The following ALDH1A2 variants were observed in gnomAD, a reference collection of about 807,000 sequenced individuals.
ALDH1A2 encodes aldehyde dehydrogenase 1 family member A2.
Under a neutral mutation model 60.3 loss-of-function variants are expected in ALDH1A2, and 27 were observed. That is an observed-to-expected ratio of 0.45 (90% CI 0.33 to 0.62). The LOEUF (loss-of-function observed/expected upper bound fraction) is 0.62. Among genes scored for constraint, ALDH1A2 ranks in the 20% least tolerant of loss-of-function variants. The pLI, the probability that ALDH1A2 is intolerant of heterozygous loss-of-function variation, is 0.02. For missense variants in ALDH1A2, 581 were observed against 643.8 expected, an observed-to-expected ratio of 0.90 and a Z score of 1.06; for synonymous variants, 289 against 232.4, an observed-to-expected ratio of 1.24 and a Z score of -2.21.
intron 12 of ALDH1A2, among the ~76,000 whole-genome samples, chr15:57,959,019 AC>A (rs1298477943): frequency 2.0e-5 from 3 of 152,194 alleles, no homozygotes; most frequent in Admixed American, 6.5e-5. Flanking sequence ...CTCCTGGACC[AC>A]CTTTCTGGGC....
At chr15:58,035,326 G>T (rs1595681127) in intron 1 of ALDH1A2, among the ~76,000 whole-genome samples, 1 of 151,468 alleles carries the variant, frequency 6.6e-6, no homozygotes, top group Admixed American at 6.6e-5. Context: ...TTAGTAATTT[G>T]TGTCTTCTCT....
chr15:58,040,768 GAAT>G (rs74750732), intron 1 of ALDH1A2, among the ~76,000 whole-genome samples: 1 of 151,834 alleles, frequency 6.6e-6, no homozygotes, highest in African/African-American at 2.4e-5. Context: ...TTGAGCAAGA[GAAT>G]AATAATAAAT....
chr15:58,014,267 G>A lies in ALDH1A2; in HGVS notation c.132C>T (p.Asn44=), dbSNP rs374228229. 52 of 1,613,664 alleles carry A rather than the reference G, an allele frequency of 3.2e-5. 1 individual carries two copies. The South Asian group carries it at 4.5e-4, about 14-fold the overall frequency. Residue 44 remains asparagine, a synonymous_variant, in exon 2 of 13, where the codon AAC becomes AAT. Transcript: ENST00000249750. ...EIKYTKIFIN[N]EWQNSESGRV... ...TCCCACTCTCTGAGTTCTGCCACTC[G>A]TTGTTTATAAAGATCTAAGGGAGTA...
intron 12 of ALDH1A2, among the ~76,000 whole-genome samples, chr15:57,956,227 A>C (rs1279724155): frequency 6.6e-6 from 1 of 152,198 alleles, no homozygotes; most frequent in African/African-American, 2.4e-5. Context: ...GGGAGGAGGG[A>C]AGGAGGAAGG....
intron 11 of ALDH1A2, 113 bp downstream of exon 11, chr15:57,961,024 G>T (rs1596064461): frequency 6.9e-7 from 1 of 1,458,482 alleles, no homozygotes; most frequent in East Asian, 2.3e-5. Context: ...CCCTTTTCTG[G>T]TGAACTTTGG....
chr15:58,004,437 G>A (rs1353575392), intron 4 of ALDH1A2, among the ~76,000 whole-genome samples: 3 of 151,686 alleles, frequency 2.0e-5, no homozygotes, highest in African/African-American at 7.3e-5. Context: ...TAGTCAACGT[G>A]GTACCCAACA....
intron 1 of ALDH1A2, among the ~76,000 whole-genome samples, chr15:58,034,947 CTT>C (rs1896339297): frequency 6.6e-6 from 1 of 151,590 alleles, no homozygotes; most frequent in African/African-American, 2.4e-5. Flanking sequence ...CTCGTAATCT[CTT>C]TATCTGGTTT....
Position 58,020,290 on chromosome 15 carries a change from T to G in ALDH1A2, c.118-6009A>C, listed in dbSNP as rs1411991524. Among the ~76,000 whole-genome samples, 3 of 152,206 alleles carry G rather than the reference T, an allele frequency of 2.0e-5. No individual in the cohort carries two copies. In the South Asian group the frequency reaches 6.2e-4, roughly 31 times the overall value. On this transcript the variant is annotated intron_variant, in intron 1 of 12. Transcript: ENST00000249750. ...GTGCTGCAATGAACATACGTGTGCA[T>G]GTATCTTTATAATATGATTTATATT...
At position 58,032,601 on chromosome 15, in the gene ALDH1A2, A is replaced by G. The variant is rs547043734; in HGVS notation, c.118-18320T>C. On this transcript the variant is annotated intron_variant, in intron 1 of 12. Coordinates refer to ENST00000249750, the MANE Select transcript of ALDH1A2 (RefSeq NM_003888.4). ...GGGAATGTAAACTAATACAACCACT[A>G]TGGAAAACAGTGTATGTGGATTTCT... Among the ~76,000 whole-genome samples, 58 of 152,228 alleles carry G rather than the reference A, an allele frequency of 3.8e-4. 4 individuals are homozygous for G. The South Asian group carries it at 0.012, about 31-fold the overall frequency.
intron 1 of ALDH1A2, among the ~76,000 whole-genome samples, chr15:58,045,161 C>A (rs1007005553): frequency 6.6e-6 from 1 of 152,008 alleles, no homozygotes; most frequent in Non-Finnish European, 1.5e-5. Context: ...CATCATTGGT[C>A]ATTAGAGAAA....
chr15:58,033,841 T>C (rs1454453989), intron 1 of ALDH1A2, among the ~76,000 whole-genome samples: 1 of 116,376 alleles, frequency 8.6e-6, no homozygotes, highest in Non-Finnish European at 2.0e-5. Context: ...ATTTCACTTA[T>C]TTTTCTGTAT....
At chr15:58,000,670 T>G (rs2140501310) in intron 4 of ALDH1A2, among the ~76,000 whole-genome samples, 1 of 152,088 alleles carries the variant, frequency 6.6e-6, no homozygotes, top group East Asian at 1.9e-4. Flanking sequence ...TCATCTTGAA[T>G]GCTACCAGTG....
intron 7 of ALDH1A2, among the ~76,000 whole-genome samples, chr15:57,972,121 T>C (rs1237327085): frequency 6.7e-6 from 1 of 148,854 alleles, no homozygotes; most frequent in Non-Finnish European, 1.5e-5. Context: ...GAGGCAGGAA[T>C]TATTATTCTA....
chr15:58,052,322 G>A (rs1004607272), intron 1 of ALDH1A2, among the ~76,000 whole-genome samples: 1 of 152,148 alleles, frequency 6.6e-6, no homozygotes, highest in Non-Finnish European at 1.5e-5. Flanking sequence ...CAGGAAAGTA[G>A]AGTTCTAATT....
At chr15:58,043,635 C>T (rs774100552) in intron 1 of ALDH1A2, among the ~76,000 whole-genome samples, 2 of 151,918 alleles carry the variant, frequency 1.3e-5, no homozygotes, top group Admixed American at 6.6e-5. Context: ...TCATTTGAAA[C>T]GGTGAGATTC....
intron 1 of ALDH1A2, among the ~76,000 whole-genome samples, chr15:58,061,420 T>C (rs1277235332): frequency 6.6e-6 from 1 of 151,284 alleles, no homozygotes; most frequent in Non-Finnish European, 1.5e-5. Context: ...CAGGCAAGAA[T>C]CTTGCCCCAG....
At chr15:57,955,493 TTTTTTAAAGTA>T (rs1893491009) in intron 12 of ALDH1A2, among the ~76,000 whole-genome samples, 1 of 152,216 alleles carries the variant, frequency 6.6e-6, no homozygotes, top group South Asian at 2.1e-4. Context: ...AACTTTAAAG[TTTTTTAAAGTA>T]GTTTTAAAGT....
intron 11 of ALDH1A2, 25 bp downstream of exon 11, chr15:57,961,112 G>GTTACAAGACTGACTCTGATC: frequency 6.2e-7 from 1 of 1,613,100 alleles, no homozygotes; most frequent in Non-Finnish European, 8.5e-7. Flanking sequence ...AGTGGAATTT[G>GTTACAAGACTGACTCTGATC]TTACAAGACT....
chr15:58,048,895 C>T (rs1896702918), intron 1 of ALDH1A2, among the ~76,000 whole-genome samples: 1 of 151,894 alleles, frequency 6.6e-6, no homozygotes, highest in African/African-American at 2.4e-5. Context: ...CACCCATCCC[C>T]ACAGTCAAGA....
Sources: gnomAD v4.1 joint callset for allele counts (sites outside exome capture counted in the v4.1 genomes callset) on GRCh38, gnomAD v4.1.1 for gene constraint, MANE v1.5 for transcripts, NCBI Gene and HGNC (gene_info 2026-07-23, HGNC 2026-07-21) for gene names.